The following SMYD2 variants were observed in gnomAD, a reference collection of about 807,000 sequenced individuals.
The protein encoded by SMYD2 is SET and MYND domain containing 2, also known as N-lysine methyltransferase SMYD2.
Under a neutral mutation model 59.1 loss-of-function variants are expected in SMYD2, and 53 were observed. The ratio of observed to expected loss-of-function variants is 0.90; its 90% confidence interval spans 0.72 to 1.13. SMYD2 has a LOEUF of 1.13. Ranked by LOEUF, SMYD2 falls within the 50% of genes most tolerant of loss-of-function variation. The pLI, the probability that SMYD2 is intolerant of heterozygous loss-of-function variation, is 0.00. For missense variants in SMYD2, 494 were observed against 544.7 expected (o/e 0.91, Z 0.93); for synonymous variants, 208 against 198.8 (o/e 1.05, Z -0.39).
At chr1:214,331,233 G>T in intron 9 of SMYD2, 163 bp downstream of exon 9, 1 of 1,012,674 alleles carries the variant, frequency 9.9e-7, no homozygotes, top group Non-Finnish European at 1.4e-6. Context: ...CCCACAATGT[G>T]GTGTCCATCC....
rs1007768489 is a variant in SMYD2, at chr1:214,334,329, T to G, written c.1221+21T>G. The G allele has an allele frequency of 1.0e-5, 16 of 1,607,128 alleles. No homozygotes were observed. In the East Asian group the frequency reaches 3.3e-4, roughly 34 times the overall value. On this transcript the variant is annotated intron_variant, in intron 11 of 11. Coordinates refer to ENST00000366957, the MANE Select transcript of SMYD2 (RefSeq NM_020197.3). ...AGAAGGTATGTCTGTAACTCGGCCTTAGGATTCCCAGTGGCCAGATGGCCT... is the reference window on the plus strand; with the variant it reads ...AGAAGGTATGTCTGTAACTCGGCCTGAGGATTCCCAGTGGCCAGATGGCCT...
intron 3 of SMYD2, 79 bp from the exon 4 acceptor site, chr1:214,318,000 A>C: frequency 1.6e-6 from 2 of 1,245,348 alleles, no homozygotes; most frequent in Non-Finnish European, 2.3e-6. Context: ...CTTTATGTTG[A>C]TGTAAAAGTG....
chr1:214,319,518 A>G (rs145734133), intron 5 of SMYD2, among the ~76,000 whole-genome samples: 2 of 152,198 alleles, frequency 1.3e-5, no homozygotes, highest in Non-Finnish European at 2.9e-5. Flanking sequence ...AGAGAAGTCT[A>G]GGTTTACCAA....
At chr1:214,329,523 C>T (rs1657315854) in intron 7 of SMYD2, among the ~76,000 whole-genome samples, 2 of 152,174 alleles carry the variant, frequency 1.3e-5, no homozygotes, top group Non-Finnish European at 2.9e-5. Flanking sequence ...CGGTGGAGCC[C>T]CATGAACCAA....
chr1:214,331,240 A>G (rs891356296), intron 9 of SMYD2, 170 bp downstream of exon 9: 18 of 966,344 alleles, frequency 1.9e-5, no homozygotes, highest in Admixed American at 5.7e-5. Flanking sequence ...TGTGGTGTCC[A>G]TCCTGTTGGA....
chr1:214,313,056 A>G (rs535307396), intron 2 of SMYD2, among the ~76,000 whole-genome samples: 1 of 152,138 alleles, frequency 6.6e-6, no homozygotes, highest in Admixed American at 6.5e-5. Flanking sequence ...GCCAGAACTG[A>G]CTGAATGTGG....
At chr1:214,331,177 C>A in intron 9 of SMYD2, 107 bp downstream of exon 9, 1 of 1,510,768 alleles carries the variant, frequency 6.6e-7, no homozygotes, top group Non-Finnish European at 9.0e-7. Context: ...TTCTGAAAAC[C>A]AAAGGAGGAA....
chr1:214,305,332 T>G lies in SMYD2; in HGVS notation c.237+82T>G, dbSNP rs1393555255. ...CTTGTCATGGCATTCCTCAGCGCCC[T>G]CCTGGAGCCAGAGCTGGAAAGCATA... On this transcript the variant is annotated intron_variant, in intron 2 of 11. Coordinates refer to ENST00000366957, the MANE Select transcript of SMYD2 (RefSeq NM_020197.3). The G allele has an allele frequency of 1.6e-5, 21 of 1,311,666 alleles. No homozygotes were observed. The East Asian group carries it at 2.3e-4, about 14-fold the overall frequency. The allele number at this position is 1,311,666 out of a possible 1,614,324, so 81.3% of individuals were successfully genotyped here.
chr1:214,331,918 A>G, intron 9 of SMYD2, 100 bp from the exon 10 acceptor site: 1 of 1,037,522 alleles, frequency 9.6e-7, no homozygotes, highest in African/African-American at 1.6e-5. Context: ...TTCATGGGGT[A>G]AGGGTGAGAG....
chr1:214,290,440 T>C (rs1337234474), intron 1 of SMYD2, among the ~76,000 whole-genome samples: 1 of 152,196 alleles, frequency 6.6e-6, no homozygotes, highest in African/African-American at 2.4e-5. Context: ...ATGGATTGGG[T>C]TAGCTTTTAT....
intron 3 of SMYD2, 92 bp downstream of exon 3, chr1:214,314,964 T>C (rs1657057298): frequency 1.1e-6 from 1 of 910,520 alleles, no homozygotes; most frequent in Non-Finnish European, 1.8e-6. Context: ...TAACCATCTC[T>C]CGTTAAACAT....
Position 214,286,045 on chromosome 1 carries a change from A to G in SMYD2, c.173+4618A>G, listed in dbSNP as rs572584901. On this transcript the variant is annotated intron_variant, in intron 1 of 11. Coordinates refer to ENST00000366957, the MANE Select transcript of SMYD2 (RefSeq NM_020197.3). Reference sequence around the variant, plus strand: ...TAAAATGTTGTTAGTGCATGACCTTATTTCAGTAGAAACCGCAAAGCAGGG... The same window carrying G: ...TAAAATGTTGTTAGTGCATGACCTTGTTTCAGTAGAAACCGCAAAGCAGGG... Among the ~76,000 whole-genome samples the G allele has an allele frequency of 2.0e-5, 3 of 152,338 alleles. No homozygotes were observed. In the East Asian group the frequency reaches 5.8e-4, roughly 29 times the overall value.
chr1:214,331,207 A>G (rs1657347860), intron 9 of SMYD2, 137 bp downstream of exon 9: 1 of 1,266,696 alleles, frequency 7.9e-7, no homozygotes, highest in Non-Finnish European at 1.1e-6. Context: ...GTAAATGTGT[A>G]AAGGCGTACT....
intron 1 of SMYD2, among the ~76,000 whole-genome samples, chr1:214,284,753 T>A (rs1262598516): frequency 6.6e-6 from 1 of 152,088 alleles, no homozygotes; most frequent in African/African-American, 2.4e-5. Flanking sequence ...TGACCTCAAG[T>A]GATCCACCCA....
At chr1:214,299,482 T>TATATATATATACAC (rs751839365) in intron 1 of SMYD2, among the ~76,000 whole-genome samples, 1 of 45,870 alleles carries the variant, frequency 2.2e-5, no homozygotes, top group African/African-American at 6.7e-5. Flanking sequence ...TATATATATA[T>TATATATATATACAC]ACACCATAGA....
chr1:214,323,642 T>C (rs1253344613), intron 5 of SMYD2, among the ~76,000 whole-genome samples: 1 of 152,148 alleles, frequency 6.6e-6, no homozygotes, highest in African/African-American at 2.4e-5. Context: ...GGTTTTACCA[T>C]GTTGGCCAGA....
chr1:214,336,647 TG>T, intron 11 of SMYD2, 56 bp from the exon 12 acceptor site: 1 of 1,518,802 alleles, frequency 6.6e-7, no homozygotes, highest in Non-Finnish European at 9.1e-7. Context: ...TTACCCTGGG[TG>T]GAGGTGTGAG....
In SMYD2 at chr1:214,305,258, C is replaced by T; in HGVS notation, c.237+8C>T. The T allele has an allele frequency of 6.2e-7, 1 of 1,613,750 alleles. No homozygotes were observed. Among genetic ancestry groups the T allele is most frequent in the South Asian group, 1.1e-5 (1 of 91,076 alleles). ...TGCAATGTGGAGTGTCAGGTAGGTG[C>T]TGGGCCATTGGCAGGGAGGGCCTAA... On this transcript the variant is annotated splice_region_variant and intron_variant, in intron 2 of 11. Coordinates refer to ENST00000366957, the MANE Select transcript of SMYD2 (RefSeq NM_020197.3).
At chr1:214,324,109 T>C (rs955646573) in intron 5 of SMYD2, among the ~76,000 whole-genome samples, 1 of 151,382 alleles carries the variant, frequency 6.6e-6, no homozygotes, top group Non-Finnish European at 1.5e-5. Context: ...GTATTTGTAT[T>C]TTTTTTTAGT....
Sources: gnomAD v4.1 joint callset for allele counts (sites outside exome capture counted in the v4.1 genomes callset) on GRCh38, gnomAD v4.1.1 for gene constraint, MANE v1.5 for transcripts, NCBI Gene and HGNC (gene_info 2026-07-23, HGNC 2026-07-21) for gene names.